Variants in PCDH9 observed in about 807,000 individuals in gnomAD.
PCDH9 encodes protocadherin-9.
Under a neutral mutation model 70.6 loss-of-function variants are expected in PCDH9, and 24 were observed. That is an observed-to-expected ratio of 0.34 (90% CI 0.25 to 0.48). The LOEUF (loss-of-function observed/expected upper bound fraction) is 0.48, where lower values mean the gene tolerates loss of function less well. Ranked by LOEUF, PCDH9 falls within the 20% of genes least tolerant of loss-of-function variation. PCDH9 has a pLI of 0.99. For missense variants in PCDH9, 1,281 were observed against 1,503.6 expected (o/e 0.85, Z 2.45); for synonymous variants, 562 against 558.5 (o/e 1.01, Z -0.09).
chr13:67,195,653 T>G (rs983277767), intron 2 of PCDH9, among the ~76,000 whole-genome samples: 22 of 152,180 alleles, frequency 1.4e-4, no homozygotes, highest in Admixed American at 1.1e-3. Context: ...GAATGAATTA[T>G]TATATTTTGA....
In PCDH9 at chr13:67,000,723, T is replaced by C. The variant is rs999036757; in HGVS notation, c.3037-97118A>G. On this transcript the variant is annotated intron_variant, in intron 2 of 4. Transcript: ENST00000377865. ...ACAAATAATAGAATCAATATTTCTT[T>C]GTGCAGTAAGAAACTAATACCATTC... Among the ~76,000 whole-genome samples, 9 of 152,296 alleles carry C rather than the reference T, an allele frequency of 5.9e-5. No homozygotes were observed. The East Asian group carries it at 1.7e-3, about 29-fold the overall frequency.
At chr13:66,513,431 C>T (rs2138589750) in intron 4 of PCDH9, among the ~76,000 whole-genome samples, 1 of 152,062 alleles carries the variant, frequency 6.6e-6, no homozygotes, top group African/African-American at 2.4e-5. Context: ...CTAAGAATTG[C>T]CACGTTTTAC....
chr13:66,444,019 A>G (rs2138409250), intron 4 of PCDH9, among the ~76,000 whole-genome samples: 1 of 152,190 alleles, frequency 6.6e-6, no homozygotes, highest in African/African-American at 2.4e-5. Context: ...TTCCCCCTCT[A>G]CAAATTCACC....
At chr13:66,497,892 G>A (rs1959142032) in intron 4 of PCDH9, among the ~76,000 whole-genome samples, 1 of 139,848 alleles carries the variant, frequency 7.2e-6, no homozygotes, top group African/African-American at 2.7e-5. Context: ...GATCTTGGCT[G>A]ACTGCAACTT....
intron 2 of PCDH9, among the ~76,000 whole-genome samples, chr13:67,113,574 C>G (rs1204242994): frequency 2.0e-5 from 3 of 151,212 alleles, no homozygotes; most frequent in African/African-American, 2.4e-5. Flanking sequence ...TTGAGACGGA[C>G]TCTCGCTCTG....
At chr13:66,332,285 C>G (rs1308888683) in intron 4 of PCDH9, among the ~76,000 whole-genome samples, 2 of 152,060 alleles carry the variant, frequency 1.3e-5, no homozygotes, top group Non-Finnish European at 2.9e-5. Flanking sequence ...AAGGTGTATG[C>G]CAGAGAGCAT....
At chr13:66,659,553 T>TGTGTGTGTGTGTGTGTGTGTGTGTG (rs59132032) in intron 3 of PCDH9, among the ~76,000 whole-genome samples, 5,913 of 148,728 alleles carry the variant, frequency 0.04, 157 homozygotes, top group Middle Eastern at 0.051. Flanking sequence ...GTGTGTGTGT[T>TGTGTGTGTGTGTGTGTGTGTGTGTG]TGTGTGTGTT....
At chr13:66,621,558 G>A (rs1293414772) in intron 4 of PCDH9, among the ~76,000 whole-genome samples, 5 of 152,198 alleles carry the variant, frequency 3.3e-5, no homozygotes, top group African/African-American at 9.7e-5. Flanking sequence ...GCGTATATGA[G>A]TTTTATTGTA....
rs559252861 is a variant in PCDH9 at position 66,483,053 on chromosome 13, C to T, written c.3340+148157G>A. 1.6e-3 allele frequency among the ~76,000 whole-genome samples: 248 copies of T among 152,194 alleles called. 2 individuals carry two copies. The highest frequency in any genetic ancestry group is 0.012 in the South Asian group (57 of 4,824). On this transcript the variant is annotated intron_variant, in intron 4 of 4. Coordinates refer to ENST00000377865, the MANE Select transcript of PCDH9 (RefSeq NM_203487.3). ...AGAGAGTTTTTGCTACTGGGAAGAACGTATACCATATGATTGATGCTAGAA... is the reference window on the plus strand; with the variant it reads ...AGAGAGTTTTTGCTACTGGGAAGAATGTATACCATATGATTGATGCTAGAA...
At chr13:66,800,388 C>G (rs982825995) in intron 3 of PCDH9, among the ~76,000 whole-genome samples, 10 of 152,150 alleles carry the variant, frequency 6.6e-5, no homozygotes, top group African/African-American at 2.2e-4. Context: ...GCCCTACCCC[C>G]ACTAGCAATC....
chr13:66,679,476 C>A (rs1007242002), intron 3 of PCDH9, among the ~76,000 whole-genome samples: 4 of 151,794 alleles, frequency 2.6e-5, no homozygotes, highest in Admixed American at 6.6e-5. Flanking sequence ...CTTTTTGAAC[C>A]TTTTAAGCTA....
At chr13:66,953,380 C>A (rs1000253498) in intron 2 of PCDH9, among the ~76,000 whole-genome samples, 5 of 152,194 alleles carry the variant, frequency 3.3e-5, no homozygotes, top group Non-Finnish European at 7.4e-5. Context: ...ACCTGAAACA[C>A]AGTACATGTT....
chr13:66,864,448 C>T (rs1412974032), intron 3 of PCDH9, among the ~76,000 whole-genome samples: 2 of 152,078 alleles, frequency 1.3e-5, no homozygotes, highest in East Asian at 3.8e-4. Flanking sequence ...TCTGCATAGG[C>T]TTCTTTTTGG....
intron 2 of PCDH9, among the ~76,000 whole-genome samples, chr13:67,108,812 G>T (rs554528161): frequency 3.9e-4 from 60 of 152,256 alleles, no homozygotes; most frequent in African/African-American, 1.3e-3. Flanking sequence ...ATACTGCAAT[G>T]AATGCATATT....
At chr13:66,765,843 T>G (rs2079707120) in intron 3 of PCDH9, among the ~76,000 whole-genome samples, 1 of 151,984 alleles carries the variant, frequency 6.6e-6, no homozygotes, top group South Asian at 2.1e-4. Context: ...GCAGTTTGAG[T>G]GCCTACACTG....
intron 3 of PCDH9, among the ~76,000 whole-genome samples, chr13:66,762,129 T>G (rs2079638825): frequency 6.6e-6 from 1 of 152,046 alleles, no homozygotes; most frequent in Non-Finnish European, 1.5e-5. Flanking sequence ...TGCCCTTCCC[T>G]CAGAACCACC....
At chr13:66,759,076 T>G (rs1192597013) in intron 3 of PCDH9, among the ~76,000 whole-genome samples, 1 of 152,028 alleles carries the variant, frequency 6.6e-6, no homozygotes, top group African/African-American at 2.4e-5. Flanking sequence ...CAACTCTTTG[T>G]TTCATTAATC....
chr13:66,524,551 AG>A (rs1418219480), intron 4 of PCDH9, among the ~76,000 whole-genome samples: 1 of 152,056 alleles, frequency 6.6e-6, no homozygotes, highest in African/African-American at 2.4e-5. Flanking sequence ...CACTTTTTTC[AG>A]CTAAAGGGGG....
At chr13:67,082,937 C>A (rs1594485741) in intron 2 of PCDH9, among the ~76,000 whole-genome samples, 1 of 151,948 alleles carries the variant, frequency 6.6e-6, no homozygotes, top group African/African-American at 2.4e-5. Context: ...TCTATTTGTT[C>A]TTTTTAAATG....
Sources: allele counts gnomAD v4.1 joint callset (sites outside exome capture counted in the v4.1 genomes callset), GRCh38; gene constraint gnomAD v4.1.1; transcripts MANE v1.5; gene names NCBI Gene and HGNC (gene_info 2026-07-23, HGNC 2026-07-21).